ATL3: variants seen among roughly 807,000 people sequenced by gnomAD.
The protein encoded by ATL3 is atlastin-3.
ATL3 carries 49 observed loss-of-function variants against 69.5 expected under a neutral mutation model. That is an observed-to-expected ratio of 0.71 (90% CI 0.56 to 0.89). The LOEUF is 0.89. Among genes scored for constraint, ATL3 ranks in the 40% least tolerant of loss-of-function variants. The pLI is 0.00. For missense variants in ATL3, 606 were observed against 645.7 expected (o/e 0.94, Z 0.67); for synonymous variants, 214 against 224.1 (o/e 0.95, Z 0.40).
rs751086084 is a variant in ATL3, at chr11:63,631,435, T to A, written c.1144A>T (p.Ile382Phe). The change falls in exon 12 of 13, where the codon ATT (isoleucine) becomes TTT (phenylalanine). Residue 382 changes from isoleucine (I) to phenylalanine (F), a missense_variant. By Grantham distance (21) the Ile-to-Phe change is conservative. Coordinates refer to ENST00000398868, the MANE Select transcript of ATL3 (RefSeq NM_015459.5). ...GGEKPYLSPDILEEKHCEFKQ... is the reference protein window; with the variant it reads ...GGEKPYLSPDFLEEKHCEFKQ... The stretch of plus-strand genomic sequence containing the variant: ...AATTCACAGTGCTTCTCCTCTAGAA[T>A]GTCTGGAGACAAATAAGGTTTCTCT... 3 of 1,612,716 alleles carry A rather than the reference T, an allele frequency of 1.9e-6. No individual in the cohort carries two copies. In the Admixed American group the frequency reaches 5.0e-5, roughly 27 times the overall value.
intron 9 of ATL3, 140 bp from the exon 10 acceptor site, chr11:63,635,730 C>G: frequency 1.5e-6 from 1 of 651,544 alleles, no homozygotes; most frequent in Admixed American, 2.8e-5. Context: ...AAACACACCA[C>G]ACACCTTTGA....
intron 5 of ATL3, among the ~76,000 whole-genome samples, chr11:63,650,369 T>C (rs1940033253): frequency 6.6e-6 from 1 of 152,222 alleles, no homozygotes; most frequent in African/African-American, 2.4e-5. Context: ...GTTGCTAAAG[T>C]CAATTTTTTC....
At chr11:63,662,834 C>T (rs912873986) in intron 1 of ATL3, among the ~76,000 whole-genome samples, 4 of 152,146 alleles carry the variant, frequency 2.6e-5, no homozygotes, top group African/African-American at 9.7e-5. Flanking sequence ...TACTGACAGG[C>T]AGACATGGCC....
At chr11:63,652,981 C>T (rs1940127961) in intron 3 of ATL3, among the ~76,000 whole-genome samples, 1 of 151,364 alleles carries the variant, frequency 6.6e-6, no homozygotes, top group Admixed American at 6.6e-5. Flanking sequence ...GCACTTGAGC[C>T]CAGTTCAATA....
chr11:63,624,894 T>C lies in ATL3; in HGVS notation c.*4425A>G, dbSNP rs1352826349. ...GCCTCCAGACAATACTGAATTGTAC[T>C]TTCTCCTTGGTACTTCCCATTCGAT... On this transcript the variant is annotated 3_prime_UTR_variant, in exon 13 of 13. Coordinates refer to ENST00000398868, the MANE Select transcript of ATL3 (RefSeq NM_015459.5). The C allele has an allele frequency of 6.6e-6, 1 of 152,114 alleles. No individual in the cohort carries two copies. The allele number at this position is 152,114 out of a possible 1,614,324, so 9.4% of individuals were successfully genotyped here.
intron 1 of ATL3, among the ~76,000 whole-genome samples, chr11:63,669,203 G>T (rs1940692637): frequency 6.6e-6 from 1 of 152,000 alleles, no homozygotes; most frequent in Admixed American, 6.6e-5. Flanking sequence ...ACATACTTCA[G>T]CTGTGAAATA....
At chr11:63,629,504 G>C in intron 12 of ATL3, 99 bp from the exon 13 acceptor site, 1 of 995,270 alleles carries the variant, frequency 1.0e-6, no homozygotes, top group Non-Finnish European at 1.5e-6. Flanking sequence ...TCCATCATCG[G>C]CATGTTACAG....
In ATL3 at chr11:63,643,463, A is replaced by G; in HGVS notation, c.744T>C (p.Asn248=). ...AACATGAGTGAATGTGATTTCGAAC[A>G]TTCTGAATTTCTTCATGTTGATGTT... is the stretch of plus-strand genomic sequence containing the variant. ...VKEHQHEEIQ[N]VRNHIHSCFS... The change falls in exon 8 of 13, where the codon AAT becomes AAC. Residue 248 remains asparagine (N), a synonymous_variant. Transcript: ENST00000398868. The G allele has an allele frequency of 6.2e-7, 1 of 1,612,686 alleles. No individual in the cohort carries two copies. Among genetic ancestry groups the G allele is most frequent in the Non-Finnish European group, 8.5e-7 (1 of 1,179,368 alleles).
chr11:63,637,003 G>C (rs1043454959), intron 8 of ATL3, among the ~76,000 whole-genome samples: 1 of 152,164 alleles, frequency 6.6e-6, no homozygotes, highest in Non-Finnish European at 1.5e-5. Flanking sequence ...TGATGGCCGT[G>C]CGTGGTGGCT....
chr11:63,647,551 TG>T (rs1276090366), intron 5 of ATL3, among the ~76,000 whole-genome samples: 1 of 152,224 alleles, frequency 6.6e-6, no homozygotes. Flanking sequence ...CTTCTTGATT[TG>T]ATTTGCATCT....
At chr11:63,661,170 C>T (rs917205464) in intron 1 of ATL3, among the ~76,000 whole-genome samples, 1 of 150,406 alleles carries the variant, frequency 6.6e-6, no homozygotes, top group Non-Finnish European at 1.5e-5. Context: ...TGCAGTGAGC[C>T]GTGATCGCGC....
intron 1 of ATL3, among the ~76,000 whole-genome samples, chr11:63,660,062 TAA>T (rs35361123): frequency 1.4e-5 from 2 of 141,256 alleles, no homozygotes; most frequent in African/African-American, 5.2e-5. Context: ...AAAATGTTGT[TAA>T]AAAAAAAAAG....
In ATL3 at chr11:63,657,073, G is replaced by A. The variant is rs149524528; in HGVS notation, c.405+1688C>T. 2.7e-3 allele frequency among the ~76,000 whole-genome samples: 412 copies of A among 151,994 alleles called. 4 individuals carry two copies. The highest frequency in any genetic ancestry group is 8.7e-3 in the African/African-American group (361 of 41,442). On this transcript the variant is annotated intron_variant, in intron 3 of 12. Transcript: ENST00000398868. ...AAAAATACAAAAATTATCCAGGCAT[G>A]GTGGTGTGCACCTGTACTCCCAGCT... is the stretch of plus-strand genomic sequence containing the variant.
intron 3 of ATL3, among the ~76,000 whole-genome samples, chr11:63,655,020 G>T (rs1230624327): frequency 2.6e-5 from 4 of 151,918 alleles, no homozygotes; most frequent in African/African-American, 9.7e-5. Context: ...GCAAATTTTT[G>T]ATAGGATGTA....
upstream of ATL3, chr11:63,671,597 A>G: frequency 7.0e-7 from 1 of 1,423,500 alleles, no homozygotes; most frequent in South Asian, 1.4e-5. Context: ...GAATCCCGCC[A>G]CCGCCTGCCG....
chr11:63,655,279 T>A (rs1940204679), intron 3 of ATL3, among the ~76,000 whole-genome samples: 1 of 152,152 alleles, frequency 6.6e-6, no homozygotes, highest in Admixed American at 6.6e-5. Context: ...GCCTCCCAAG[T>A]AGCTGAGATT....
chr11:63,654,818 T>G (rs1940191702), intron 3 of ATL3, among the ~76,000 whole-genome samples: 1 of 150,542 alleles, frequency 6.6e-6, no homozygotes. Flanking sequence ...TGCCTCAGCC[T>G]CCTGAGTAGC....
At position 63,659,027 on chromosome 11, in the gene ATL3, T is replaced by C. The variant is rs1358557883; in HGVS notation, c.261+11A>G. 1.9e-6 allele frequency: 3 copies of C among 1,612,884 alleles called. No individual in the cohort carries two copies. The highest frequency in any genetic ancestry group is 3.3e-5 in the Admixed American group (2 of 59,940). Reference sequence around the variant, plus strand: ...TCACTTTTTACTTGAAATAAAATAATTCTATCTTACCTGAGAATATAAGTA... The same window carrying C: ...TCACTTTTTACTTGAAATAAAATAACTCTATCTTACCTGAGAATATAAGTA... On this transcript the variant is annotated intron_variant, in intron 2 of 12. Transcript: ENST00000398868.
At chr11:63,636,606 G>A (rs1208402150) in intron 8 of ATL3, among the ~76,000 whole-genome samples, 3 of 152,164 alleles carry the variant, frequency 2.0e-5, no homozygotes, top group African/African-American at 4.8e-5. Flanking sequence ...AGGCGTGGTG[G>A]CAGGTGCCTG....
Sources: allele counts gnomAD v4.1 joint callset (sites outside exome capture counted in the v4.1 genomes callset), GRCh38; gene constraint gnomAD v4.1.1; transcripts MANE v1.5; gene names NCBI Gene and HGNC (gene_info 2026-07-23, HGNC 2026-07-21).